Variants in NCR3LG1 observed in about 807,000 individuals in gnomAD.
NCR3LG1 encodes the protein natural cytotoxicity triggering receptor 3 ligand 1.
NCR3LG1 carries 35 observed loss-of-function variants against 34.8 expected under a neutral mutation model. That is an observed-to-expected ratio of 1.01 (90% CI 0.77 to 1.33). The LOEUF (loss-of-function observed/expected upper bound fraction) is 1.33, where lower values mean the gene tolerates loss of function less well. Among genes scored for constraint, NCR3LG1 ranks in the 40% most tolerant of loss-of-function variants. The probability of loss-of-function intolerance (pLI) is 0.00; values close to 1 mark genes in which losing one functional copy is unlikely to be tolerated. For synonymous variants in NCR3LG1, 173 were observed against 163.6 expected, an observed-to-expected ratio of 1.06 and a Z score of -0.44; for missense variants, 452 against 423.3, an observed-to-expected ratio of 1.07 and a Z score of -0.60.
At chr11:17,365,435 C>T (rs144746904) in intron 2 of NCR3LG1, among the ~76,000 whole-genome samples, 1 of 152,282 alleles carries the variant, frequency 6.6e-6, no homozygotes, top group East Asian at 1.9e-4. Context: ...ATGATTAAAT[C>T]TTATTCTTTT....
Position 17,372,425 on chromosome 11 carries a change from C to T in NCR3LG1, c.1278C>T (p.Ser426=). The T allele has an allele frequency of 1.4e-6, 1 of 703,264 alleles. No homozygotes were observed. Among genetic ancestry groups the T allele is most frequent in the Non-Finnish European group, 2.6e-6 (1 of 385,052 alleles). 43.6% of individuals were successfully genotyped at this position (703,264 alleles called of 1,614,324 possible). ...AVPDAPILPV[S]PIWEPPPATT... is the part of the protein sequence containing the mutation. ...CGGATGCCCCAATCCTTCCTGTCTC[C>T]CCTATCTGGGAACCTCCTCCAGCCA... The change falls in exon 5 of 5, where the codon TCC becomes TCT. Residue 426 remains serine (S), a synonymous_variant. Transcript: ENST00000338965.
Position 17,356,923 on chromosome 11 carries a change from G to A in NCR3LG1, c.343G>A (p.Glu115Lys). 1 of 1,536,142 alleles carries A rather than the reference G, an allele frequency of 6.5e-7. No individual in the cohort carries two copies. The highest frequency in any genetic ancestry group is 2.4e-5 in the East Asian group (1 of 40,906). ...ASLRLPGIQL[E>K]EAGEYRCEVV... The stretch of plus-strand genomic sequence containing the variant: ...ACTGCGGCTGCCTGGAATCCAGCTG[G>A]AGGAAGCAGGAGAGTACCGATGTGA... Residue 115 changes from glutamate to lysine, a missense_variant, in exon 2 of 5, where the codon GAG (glutamate) becomes AAG (lysine). Transcript: ENST00000338965.
chr11:17,377,778 C>T (rs1328278547), downstream of NCR3LG1, among the ~76,000 whole-genome samples: 4 of 152,208 alleles, frequency 2.6e-5, no homozygotes, highest in Non-Finnish European at 5.9e-5. Flanking sequence ...CCTGCACTAT[C>T]GTGGCAGTGG....
chr11:17,374,533 A>T lies in NCR3LG1; in HGVS notation c.*2021A>T, dbSNP rs1282640877. Reference sequence around the variant, plus strand: ...TCCTTAATTTCCTAGCTGGAAAGGGATATAAGGCTTCAAAATCTAAGGCTC... The same window carrying T: ...TCCTTAATTTCCTAGCTGGAAAGGGTTATAAGGCTTCAAAATCTAAGGCTC... On this transcript the variant is annotated 3_prime_UTR_variant, in exon 5 of 5. Transcript: ENST00000338965. The T allele has an allele frequency of 6.6e-6, 1 of 152,166 alleles. No homozygotes were observed. The highest frequency in any genetic ancestry group is 1.5e-5 in the Non-Finnish European group (1 of 68,050). The allele number at this position is 152,166 out of a possible 1,614,324, so 9.4% of individuals were successfully genotyped here.
intron 2 of NCR3LG1, among the ~76,000 whole-genome samples, chr11:17,366,713 G>T (rs868127982): frequency 2.0e-5 from 3 of 152,186 alleles, no homozygotes; most frequent in Admixed American, 1.3e-4. Flanking sequence ...AAGCTGACTT[G>T]CATTCAGTCA....
At chr11:17,358,120 C>T (rs1186951591) in intron 2 of NCR3LG1, among the ~76,000 whole-genome samples, 1 of 152,132 alleles carries the variant, frequency 6.6e-6, no homozygotes, top group Non-Finnish European at 1.5e-5. Context: ...TACCATTTCC[C>T]CTGTTATTAA....
chr11:17,353,724 CA>C (rs1953170130), intron 1 of NCR3LG1, among the ~76,000 whole-genome samples: 1 of 146,916 alleles, frequency 6.8e-6, no homozygotes. Context: ...GCAGCAGCAG[CA>C]GCAGCTCCTG....
chr11:17,376,658 A>T lies in NCR3LG1; in HGVS notation c.*4146A>T, dbSNP rs1407028895. The T allele has an allele frequency of 1.3e-5, 2 of 152,206 alleles. No homozygotes were observed. Among genetic ancestry groups the T allele is most frequent in the Non-Finnish European group, 2.9e-5 (2 of 68,050 alleles). 9.4% of individuals were successfully genotyped at this position (152,206 alleles called of 1,614,324 possible). On this transcript the variant is annotated 3_prime_UTR_variant, in exon 5 of 5. Coordinates refer to ENST00000338965, the MANE Select transcript of NCR3LG1 (RefSeq NM_001202439.3). ...CTGAGTAACTAACTCCTCCCAGGAA[A>T]GCATTTCCTCCCTGGTGCCAGAAAA...
At chr11:17,361,655 G>A (rs1953270860) in intron 2 of NCR3LG1, among the ~76,000 whole-genome samples, 1 of 151,862 alleles carries the variant, frequency 6.6e-6, no homozygotes, top group Non-Finnish European at 1.5e-5. Context: ...ATTGATTTTT[G>A]CTTATTAACT....
intron 2 of NCR3LG1, among the ~76,000 whole-genome samples, chr11:17,358,274 AT>A (rs1288792339): frequency 6.6e-6 from 1 of 152,152 alleles, no homozygotes; most frequent in Non-Finnish European, 1.5e-5. Flanking sequence ...AGAATACCAC[AT>A]TGCATTTAAT....
intron 2 of NCR3LG1, among the ~76,000 whole-genome samples, chr11:17,364,517 A>G (rs1158818506): frequency 1.3e-5 from 2 of 149,162 alleles, no homozygotes; most frequent in Non-Finnish European, 3.0e-5. Context: ...TTCTATTAAC[A>G]TCTTCAAGCT....
intron 2 of NCR3LG1, among the ~76,000 whole-genome samples, chr11:17,358,439 G>A (rs569847310): frequency 6.6e-6 from 1 of 152,174 alleles, no homozygotes; most frequent in Non-Finnish European, 1.5e-5. Context: ...TGGACTTGGG[G>A]TTATGGGTTT....
rs927404392 is a variant in NCR3LG1 at position 17,376,164 on chromosome 11, A to C, written c.*3652A>C. 2.4e-4 allele frequency: 37 copies of C among 152,240 alleles called. 1 individual carries two copies. The highest frequency in any genetic ancestry group is 2.9e-5 in the Non-Finnish European group (2 of 68,050). The allele number at this position is 152,240 out of a possible 1,614,324, so 9.4% of individuals were successfully genotyped here. A position where few individuals can be genotyped will look rare whatever the true frequency, so the allele number is the denominator to read the frequency against. ...AAGTTACTCAGGGGAGGACTGGCAGATAGACTTCACCCATATGCCCAAAAT... is the reference window on the plus strand; with the variant it reads ...AAGTTACTCAGGGGAGGACTGGCAGCTAGACTTCACCCATATGCCCAAAAT... On this transcript the variant is annotated 3_prime_UTR_variant, in exon 5 of 5. Transcript: ENST00000338965.
intron 2 of NCR3LG1, among the ~76,000 whole-genome samples, chr11:17,361,357 A>G (rs1173645425): frequency 4.0e-5 from 6 of 149,578 alleles, no homozygotes; most frequent in African/African-American, 1.5e-4. Flanking sequence ...GTACAATCTC[A>G]GCTCATTGCA....
At position 17,368,965 on chromosome 11, in the gene NCR3LG1, G is replaced by A. The variant is rs1316925806; in HGVS notation, c.858+1G>A. 1.3e-6 allele frequency: 2 copies of A among 1,525,780 alleles called. No individual in the cohort carries two copies. Among genetic ancestry groups the A allele is most frequent in the Non-Finnish European group, 8.8e-7 (1 of 1,138,896 alleles). The allele number at this position is 1,525,780 out of a possible 1,614,324, so 94.5% of individuals were successfully genotyped here. On this transcript the variant is annotated splice_donor_variant, in intron 4 of 4. Transcript: ENST00000338965. LOFTEE classifies it high-confidence loss of function. ...AATTGTTTTGATTCCTTGGAAAAAG[G>A]TAAGGGGCTCCAAAGCAAAGTTCAG...
downstream of NCR3LG1, chr11:17,381,591 C>T (rs1953513636): frequency 1.3e-5 from 2 of 152,536 alleles, no homozygotes; most frequent in African/African-American, 2.4e-5. Context: ...CCCCTTCCCT[C>T]AATAATAATG....
rs1953417741 is a variant in NCR3LG1, at chr11:17,372,337, C to A, written c.1190C>A (p.Ser397Tyr). 1 of 703,028 alleles carries A rather than the reference C, an allele frequency of 1.4e-6. No individual in the cohort carries two copies. The highest frequency in any genetic ancestry group is 2.6e-6 in the Non-Finnish European group (1 of 385,000). 43.5% of individuals were successfully genotyped at this position (703,028 alleles called of 1,614,324 possible). Residue 397 changes from serine (S) to tyrosine (Y), a missense_variant, in exon 5 of 5, where the codon TCC becomes TAC. Physicochemically the swap from Ser to Tyr is moderately radical, Grantham distance 144 (BLOSUM62 -2). Coordinates refer to ENST00000338965, the MANE Select transcript of NCR3LG1 (RefSeq NM_001202439.3). ...PALLTVTSGK[S>Y]IDDNSTKSEK... ...CTCCTAACAGTTACATCAGGCAAGTCCATAGATGATAATTCCACAAAGTCT... is the reference window on the plus strand; with the variant it reads ...CTCCTAACAGTTACATCAGGCAAGTACATAGATGATAATTCCACAAAGTCT...
In NCR3LG1 at chr11:17,352,057, TGGGCTGGGGC is replaced by T; in HGVS notation, c.70+22_70+31del. 6.5e-5 allele frequency: 7 copies of T among 108,218 alleles called. No homozygotes were observed. Among genetic ancestry groups the T allele is most frequent in the Non-Finnish European group, 1.3e-4 (7 of 55,506 alleles). The allele number at this position is 108,218 out of a possible 1,614,324, so 6.7% of individuals were successfully genotyped here. ...GACCGAAGGTAGGGGGCGGCTGGGG[TGGGCTGGGGC>T]GGGGGCTCCTGGCGCCAGAGGGTCC... On this transcript the variant is annotated intron_variant, in intron 1 of 4. Transcript: ENST00000338965.
chr11:17,365,655 AGAG>A (rs1414949792), intron 2 of NCR3LG1, among the ~76,000 whole-genome samples: 7 of 152,166 alleles, frequency 4.6e-5, no homozygotes, highest in African/African-American at 1.4e-4. Context: ...TCCCCCAGAA[AGAG>A]GAGGAGATTT....
Sources: gnomAD v4.1 joint callset for allele counts (sites outside exome capture counted in the v4.1 genomes callset) on GRCh38, gnomAD v4.1.1 for gene constraint, MANE v1.5 for transcripts, NCBI Gene and HGNC (gene_info 2026-07-23, HGNC 2026-07-21) for gene names.